Variants in FGD6 observed in about 807,000 individuals in gnomAD.
FGD6 encodes FYVE, RhoGEF and PH domain containing 6.
A neutral mutation model predicts 149.4 loss-of-function variants in FGD6; 90 were observed. The observed-to-expected ratio is 0.60, with a 90% CI of 0.51 to 0.72. The LOEUF is 0.72. FGD6 is among the 30% of genes least tolerant of loss of function. FGD6 has a pLI of 0.00. For synonymous variants in FGD6, 527 were observed against 584.0 expected (o/e 0.90, Z 1.41); for missense variants, 1,437 against 1,684.8 (o/e 0.85, Z 2.57).
At position 95,086,899 on chromosome 12, in the gene FGD6, G is replaced by A. The variant is rs146581001; in HGVS notation, c.3979-991C>T. 6.8e-3 allele frequency among the ~76,000 whole-genome samples: 967 copies of A among 142,424 alleles called. 13 individuals are homozygous for A. Among genetic ancestry groups the A allele is most frequent in the African/African-American group, 0.023 (863 of 37,946 alleles). 93.4% of individuals were successfully genotyped at this position (142,424 alleles called of 152,430 possible). A position where few individuals can be genotyped will look rare whatever the true frequency, so the allele number is the denominator to read the frequency against. The stretch of plus-strand genomic sequence containing the variant: ...GTCTCACTCTGTCACCCAGGCTGGA[G>A]TGCAGTGGCACAATCTCAGCTCGCT... On this transcript the variant is annotated intron_variant, in intron 18 of 20. Coordinates refer to ENST00000343958, the MANE Select transcript of FGD6 (RefSeq NM_018351.4).
intron 2 of FGD6, among the ~76,000 whole-genome samples, chr12:95,195,025 A>G (rs1374844332): frequency 6.6e-6 from 1 of 152,220 alleles, no homozygotes; most frequent in Admixed American, 6.5e-5. Context: ...GCAGCCTCAG[A>G]TAAGGACATA....
rs548754318 is a variant in FGD6 at position 95,164,415 on chromosome 12, A to G, written c.2586+8185T>C. ...ATCATATGTGTTCACTACAAGTGACATTCAGTGAAATTTATCCATTCCTTT... is the reference window on the plus strand; with the variant it reads ...ATCATATGTGTTCACTACAAGTGACGTTCAGTGAAATTTATCCATTCCTTT... On this transcript the variant is annotated intron_variant, in intron 3 of 20. Coordinates refer to ENST00000343958, the MANE Select transcript of FGD6 (RefSeq NM_018351.4). Among the ~76,000 whole-genome samples, 7 of 151,086 alleles carry G rather than the reference A, an allele frequency of 4.6e-5. 1 individual carries two copies. The highest frequency in any genetic ancestry group is 3.9e-4 in the East Asian group (2 of 5,118).
intron 2 of FGD6, among the ~76,000 whole-genome samples, chr12:95,175,291 T>C (rs1318480342): frequency 3.3e-5 from 5 of 152,108 alleles, no homozygotes; most frequent in Non-Finnish European, 7.4e-5. Flanking sequence ...TCCAGCTGAA[T>C]CCTCACCATA....
chr12:95,149,953 C>CATACTATATATTATATAGT, intron 5 of FGD6, among the ~76,000 whole-genome samples: 1 of 143,342 alleles, frequency 7.0e-6, no homozygotes, highest in Admixed American at 7.2e-5. Flanking sequence ...TACTACATAT[C>CATACTATATATTATATAGT]ATACTATATA....
chr12:95,112,137 G>A (rs562804038), intron 9 of FGD6, among the ~76,000 whole-genome samples: 74 of 152,158 alleles, frequency 4.9e-4, no homozygotes, highest in South Asian at 3.3e-3. Context: ...GGAGGGCTGA[G>A]GCAAGAGAAT....
At chr12:95,148,599 TAGCATGTTA>T (rs368846108) in intron 5 of FGD6, among the ~76,000 whole-genome samples, 56 of 112,026 alleles carry the variant, frequency 5.0e-4, no homozygotes, top group African/African-American at 1.7e-3. Flanking sequence ...ATATAATACA[TAGCATGTTA>T]TATATATTAT....
At chr12:95,199,847 T>C (rs1222114521) in intron 2 of FGD6, among the ~76,000 whole-genome samples, 3 of 152,132 alleles carry the variant, frequency 2.0e-5, no homozygotes, top group Non-Finnish European at 4.4e-5. Context: ...TCAAGTAATA[T>C]GCCTGCCTGG....
intron 8 of FGD6, chr12:95,125,978 C>G (rs1879327656): frequency 7.2e-7 from 1 of 1,396,858 alleles, no homozygotes; most frequent in Non-Finnish European, 1.0e-6. Context: ...AGAAGTATGT[C>G]CCACAAGCCT....
At chr12:95,206,879 C>A (rs2056695450) in intron 2 of FGD6, among the ~76,000 whole-genome samples, 1 of 151,776 alleles carries the variant, frequency 6.6e-6, no homozygotes, top group Non-Finnish European at 1.5e-5. Context: ...AGACTGACTA[C>A]GAGTAAAGAG....
chr12:95,156,490 T>C (rs1198240250), intron 3 of FGD6, among the ~76,000 whole-genome samples: 1 of 152,212 alleles, frequency 6.6e-6, no homozygotes, highest in Non-Finnish European at 1.5e-5. Flanking sequence ...TTGTCTGCTC[T>C]CAAACCCTGT....
chr12:95,207,142 G>A (rs10859850), intron 2 of FGD6, among the ~76,000 whole-genome samples: 16,643 of 151,970 alleles, frequency 0.11, 999 homozygotes, highest in East Asian at 0.25. Context: ...TTTCCCCCAA[G>A]CTGCTGTTCT....
At position 95,208,451 on chromosome 12, in the gene FGD6, A is replaced by G. The variant is rs535357737; in HGVS notation, c.2441+392T>C. On this transcript the variant is annotated intron_variant, in intron 2 of 20. Coordinates refer to ENST00000343958, the MANE Select transcript of FGD6 (RefSeq NM_018351.4). ...AAGCGCACCACACGTAAATGCCTAC[A>G]TATTTCAGTAACTTCAGACTTCTTA... 3.3e-5 allele frequency among the ~76,000 whole-genome samples: 5 copies of G among 152,228 alleles called. No individual in the cohort carries two copies. The South Asian group carries it at 6.2e-4, about 19-fold the overall frequency.
At chr12:95,158,366 G>A (rs575144097) in intron 3 of FGD6, among the ~76,000 whole-genome samples, 106 of 146,348 alleles carry the variant, frequency 7.2e-4, no homozygotes, top group South Asian at 3.8e-3. Context: ...TAGTAGAGAC[G>A]GGGTTTCACC....
chr12:95,176,739 A>C (rs1029019806), intron 2 of FGD6, among the ~76,000 whole-genome samples: 2 of 152,246 alleles, frequency 1.3e-5, no homozygotes, highest in African/African-American at 4.8e-5. Flanking sequence ...CTCCACTGGA[A>C]GTATATCAAA....
intron 11 of FGD6, among the ~76,000 whole-genome samples, 184 bp downstream of exon 11, chr12:95,108,163 TG>T (rs1253311719): frequency 2.6e-5 from 4 of 152,196 alleles, no homozygotes; most frequent in African/African-American, 9.7e-5. Flanking sequence ...ACTTCATAAA[TG>T]GGCTTATTCC....
chr12:95,172,755 C>A lies in FGD6; in HGVS notation c.2442-11G>T, dbSNP rs769109301. 128 of 1,568,796 alleles carry A rather than the reference C, an allele frequency of 8.2e-5. No homozygotes were observed. Among genetic ancestry groups the A allele is most frequent in the Non-Finnish European group, 1.0e-4 (117 of 1,153,164 alleles). ...TGGGATGCTCCTGAACTGCATTCAACAGAAAGCAGGTATTAGTCACCTTCA... is the reference window on the plus strand; with the variant it reads ...TGGGATGCTCCTGAACTGCATTCAAAAGAAAGCAGGTATTAGTCACCTTCA... On this transcript the variant is annotated splice_polypyrimidine_tract_variant and intron_variant, in intron 2 of 20. Transcript: ENST00000343958.
At chr12:95,128,356 C>T (rs1879410620) in intron 8 of FGD6, among the ~76,000 whole-genome samples, 1 of 152,128 alleles carries the variant, frequency 6.6e-6, no homozygotes, top group Non-Finnish European at 1.5e-5. Flanking sequence ...CCTGCCTCAG[C>T]TTCCTCAGTA....
intron 13 of FGD6, among the ~76,000 whole-genome samples, chr12:95,106,439 T>G (rs78040441): frequency 7.7e-3 from 146 of 19,072 alleles, no homozygotes; most frequent in Middle Eastern, 0.071. Context: ...CCTGGCTAAT[T>G]TTTGTTTGTT....
At chr12:95,180,614 G>A (rs888807313) in intron 2 of FGD6, among the ~76,000 whole-genome samples, 1 of 151,770 alleles carries the variant, frequency 6.6e-6, no homozygotes, top group Non-Finnish European at 1.5e-5. Context: ...CCAAGGATGG[G>A]CTCAAACTCC....
Sources: allele counts gnomAD v4.1 joint callset (sites outside exome capture counted in the v4.1 genomes callset), GRCh38; gene constraint gnomAD v4.1.1; transcripts MANE v1.5; gene names NCBI Gene and HGNC (gene_info 2026-07-23, HGNC 2026-07-21).